The following ANK3 variants were observed in gnomAD, a reference collection of about 807,000 sequenced individuals.
The protein encoded by ANK3 is ankyrin-3.
ANK3 carries 57 observed loss-of-function variants against 370.9 expected under a neutral mutation model. The observed-to-expected ratio is 0.15, with a 90% CI of 0.12 to 0.19. The LOEUF (loss-of-function observed/expected upper bound fraction) is 0.19. Among genes scored for constraint, ANK3 ranks in the 10% least tolerant of loss-of-function variants. The pLI is 1.00. For synonymous variants in ANK3, 1,929 were observed against 1,946.3 expected, an observed-to-expected ratio of 0.99 and a Z score of 0.23; for missense variants, 4,439 against 5,302.1, an observed-to-expected ratio of 0.84 and a Z score of 5.06.
In ANK3 at chr10:60,200,161, G is replaced by C; in HGVS notation, c.1459C>G (p.Gln487Glu). 6.2e-7 allele frequency: 1 copy of C among 1,614,086 alleles called. No individual in the cohort carries two copies. Residue 487 changes from glutamine to glutamate, a missense_variant, in exon 13 of 44, where the codon CAA becomes GAA. By Grantham distance (29) the Gln-to-Glu change is conservative. This residue lies in a region of ANK3 where 227 missense variants were observed against 377.6 expected (regional missense o/e 0.60). Coordinates refer to ENST00000280772, the MANE Select transcript of ANK3 (RefSeq NM_020987.5). ...GQAEVVRYLV[Q>E]DGAQVEAKAK... ...TTAGCTTCTACCTGAGCTCCGTCTT[G>C]TACCAGATACCGCACAACTTCAGCT...
At chr10:60,085,719 G>A (rs868620653) in intron 30 of ANK3, among the ~76,000 whole-genome samples, 10 of 150,210 alleles carry the variant, frequency 6.7e-5, no homozygotes, top group Middle Eastern at 3.5e-3. Context: ...GGGTTCAAGC[G>A]ATTCTCCTGC....
intron 1 of ANK3, among the ~76,000 whole-genome samples, chr10:60,374,730 C>T (rs1483141257): frequency 6.6e-6 from 1 of 152,102 alleles, no homozygotes; most frequent in Non-Finnish European, 1.5e-5. Flanking sequence ...AGATGAAGTG[C>T]TGTTGTCCTT....
At position 60,474,410 on chromosome 10, in the gene ANK3, G is replaced by A. The variant is rs1160658911; in HGVS notation, c.96+140776C>T. Among the ~76,000 whole-genome samples, 6 of 152,180 alleles carry A rather than the reference G, an allele frequency of 3.9e-5. No individual in the cohort carries two copies. The East Asian group carries it at 1.2e-3, about 29-fold the overall frequency. On this transcript the variant is annotated intron_variant, in intron 2 of 43. Coordinates refer to the ANK3 transcript ENST00000373827. ...TAGATCACTGAAGTCACTCTGAAGA[G>A]AAGGCTGCCAAGAAGAGGGAAAGGA...
At chr10:60,386,186 G>C (rs2062269983) in intron 1 of ANK3, among the ~76,000 whole-genome samples, 1 of 152,126 alleles carries the variant, frequency 6.6e-6, no homozygotes, top group Non-Finnish European at 1.5e-5. Context: ...CCACCCAAAG[G>C]CACTCTATCT....
intron 1 of ANK3, among the ~76,000 whole-genome samples, chr10:60,318,494 T>A (rs1028029619): frequency 2.2e-4 from 33 of 152,228 alleles, no homozygotes; most frequent in Admixed American, 1.6e-3. Context: ...TCTGACTTAC[T>A]GAACATCCTT....
chr10:60,178,451 G>A lies in ANK3; in HGVS notation c.2184+2878C>T, dbSNP rs371745745. ...TACCAGCCTCATAGGGTAGTTGTAA[G>A]AATTAAACAAAATAATAAATGAAAA... On this transcript the variant is annotated intron_variant, in intron 18 of 43. Transcript: ENST00000280772. 5.9e-5 allele frequency among the ~76,000 whole-genome samples: 9 copies of A among 152,236 alleles called. 1 individual carries two copies. The highest frequency in any genetic ancestry group is 1.9e-4 in the East Asian group (1 of 5,194).
intron 1 of ANK3, among the ~76,000 whole-genome samples, chr10:60,622,024 C>G (rs2078344228): frequency 6.6e-6 from 1 of 152,050 alleles, no homozygotes; most frequent in South Asian, 2.1e-4. Flanking sequence ...TTGCCTGTTT[C>G]CTCATTTATG....
chr10:60,323,452 G>T (rs11593403), intron 1 of ANK3, among the ~76,000 whole-genome samples: 14,082 of 152,136 alleles, frequency 0.093, 862 homozygotes, highest in South Asian at 0.13. Context: ...TGGGAATTGT[G>T]CATTCCAAAG....
Position 60,070,843 on chromosome 10 carries a change from T to C in ANK3, c.10038A>G (p.Lys3346=). The stretch of plus-strand genomic sequence containing the variant: ...AAGCCTTTTCAGCAGAAGCTTTGGG[T>C]TTTTCTTTTTGTTCATCGTCCACTT... ...LKEVDDEQKE[K]PKASAEKASN... The change falls in exon 37 of 44, where the codon AAA becomes AAG. Residue 3346 remains lysine (K), a synonymous_variant. Coordinates refer to ENST00000280772, the MANE Select transcript of ANK3 (RefSeq NM_020987.5). This position sits in a 1 kb window ranked among gnomAD's most constrained non-coding sequence, Gnocchi z 5.7. 1.2e-6 allele frequency: 2 copies of C among 1,614,146 alleles called. No individual in the cohort carries two copies. Among genetic ancestry groups the C allele is most frequent in the Non-Finnish European group, 1.7e-6 (2 of 1,180,016 alleles).
intron 2 of ANK3, among the ~76,000 whole-genome samples, chr10:60,547,543 G>T (rs1365892423): frequency 6.6e-6 from 1 of 151,930 alleles, no homozygotes; most frequent in Non-Finnish European, 1.5e-5. Context: ...TGGGATACAG[G>T]TATGCGCCAC....
intron 2 of ANK3, among the ~76,000 whole-genome samples, chr10:60,555,983 G>A (rs549095104): frequency 6.6e-6 from 1 of 152,268 alleles, no homozygotes; most frequent in South Asian, 2.1e-4. Context: ...AATTCCCAGT[G>A]GTATAGCTCA....
intron 1 of ANK3, among the ~76,000 whole-genome samples, chr10:60,659,745 G>A (rs2078911899): frequency 6.6e-6 from 1 of 151,624 alleles, no homozygotes; most frequent in African/African-American, 2.4e-5. Flanking sequence ...AAATCTGTGG[G>A]GAAAAAAAAT....
chr10:60,115,434 C>A (rs540077198), intron 25 of ANK3, among the ~76,000 whole-genome samples: 9 of 152,264 alleles, frequency 5.9e-5, no homozygotes, highest in African/African-American at 2.2e-4. Flanking sequence ...CAAGCATGGT[C>A]AGAGTGTGTG....
chr10:60,444,364 A>G (rs7084720), intron 2 of ANK3, among the ~76,000 whole-genome samples: 3,722 of 151,328 alleles, frequency 0.025, 182 homozygotes, highest in African/African-American at 0.086. Context: ...AAAACCATAT[A>G]TATAACATAT....
chr10:60,511,418 T>C (rs945857083), intron 2 of ANK3, among the ~76,000 whole-genome samples: 2 of 152,126 alleles, frequency 1.3e-5, no homozygotes, highest in Non-Finnish European at 2.9e-5. Flanking sequence ...TTCTACAAGA[T>C]TAAAAAGTAA....
chr10:60,206,199 G>A (rs766300729), intron 10 of ANK3, among the ~76,000 whole-genome samples: 6 of 152,156 alleles, frequency 3.9e-5, no homozygotes, highest in Non-Finnish European at 5.9e-5. Flanking sequence ...CAGGCTGGGT[G>A]TGGTGGCTCA....
chr10:60,169,340 C>A (rs1436515571), intron 21 of ANK3, among the ~76,000 whole-genome samples: 1 of 141,712 alleles, frequency 7.1e-6, no homozygotes, highest in Non-Finnish European at 1.5e-5. Flanking sequence ...TCAGATATGT[C>A]CATCAACTGG....
At chr10:60,047,252 T>A (rs996275263) in intron 42 of ANK3, among the ~76,000 whole-genome samples, 1 of 152,216 alleles carries the variant, frequency 6.6e-6, no homozygotes, top group African/African-American at 2.4e-5. Flanking sequence ...GCACATGTGG[T>A]GTTACATTTT....
At chr10:60,168,378 A>G (rs2095681730) in intron 21 of ANK3, among the ~76,000 whole-genome samples, 1 of 152,104 alleles carries the variant, frequency 6.6e-6, no homozygotes, top group Non-Finnish European at 1.5e-5. Context: ...ATGAATCAAC[A>G]TTGATACATT....
Sources: allele counts gnomAD v4.1 joint callset (sites outside exome capture counted in the v4.1 genomes callset), GRCh38; gene constraint gnomAD v4.1.1; regional missense constraint gnomAD v4.1.1; non-coding constraint Gnocchi (gnomAD v3.1); transcripts MANE v1.5; gene names NCBI Gene and HGNC (gene_info 2026-07-23, HGNC 2026-07-21).